CNTN5: variants seen among roughly 807,000 people sequenced by gnomAD.
CNTN5 encodes contactin-5.
In CNTN5, 77 loss-of-function variants were observed where a neutral mutation model predicts 129.1. That is an observed-to-expected ratio of 0.60 (90% CI 0.50 to 0.72). The LOEUF (loss-of-function observed/expected upper bound fraction) is 0.72. Among genes scored for constraint, CNTN5 ranks in the 30% least tolerant of loss-of-function variants. CNTN5 has a pLI of 0.00. For missense variants in CNTN5, 1,478 were observed against 1,328.8 expected (o/e 1.11, Z -1.75); for synonymous variants, 509 against 465.6 (o/e 1.09, Z -1.20).
At chr11:100,022,606 A>G (rs1941219874) in intron 9 of CNTN5, among the ~76,000 whole-genome samples, 4 of 152,178 alleles carry the variant, frequency 2.6e-5, no homozygotes, top group Admixed American at 2.6e-4. Flanking sequence ...TTGTCCATGT[A>G]GTTACCATTT....
chr11:100,343,215 C>G (rs1037382053), intron 23 of CNTN5, among the ~76,000 whole-genome samples: 9 of 152,132 alleles, frequency 5.9e-5, no homozygotes, highest in African/African-American at 2.2e-4. Context: ...CTAGCATAGT[C>G]CATTTTAGTT....
intron 2 of CNTN5, among the ~76,000 whole-genome samples, chr11:99,533,745 G>A (rs1947799549): frequency 1.3e-5 from 2 of 152,200 alleles, no homozygotes; most frequent in Admixed American, 1.3e-4. Flanking sequence ...GGTAGACATT[G>A]CCAGCCAGCA....
intron 8 of CNTN5, among the ~76,000 whole-genome samples, chr11:99,987,073 A>G (rs554141401): frequency 6.6e-6 from 1 of 152,236 alleles, no homozygotes; most frequent in South Asian, 2.1e-4. Flanking sequence ...TAAGTATCCC[A>G]CAAAACAAAA....
chr11:100,311,427 A>G (rs541368315), intron 21 of CNTN5, among the ~76,000 whole-genome samples: 3 of 150,888 alleles, frequency 2.0e-5, no homozygotes, highest in African/African-American at 7.2e-5. Context: ...ATTTCTAAAA[A>G]GAGTTCTCAA....
rs1247551945 is a variant in CNTN5 at position 99,584,114 on chromosome 11, C to G, written c.55+27845C>G. 4.6e-5 allele frequency among the ~76,000 whole-genome samples: 7 copies of G among 152,112 alleles called. No individual in the cohort carries two copies. In the South Asian group the frequency reaches 6.2e-4, roughly 14 times the overall value. On this transcript the variant is annotated intron_variant, in intron 3 of 24. Coordinates refer to ENST00000524871, the MANE Select transcript of CNTN5 (RefSeq NM_014361.4). ...GGATGTGATTTCTCTACCAAATGTT[C>G]TTTATGCTGGGTTCTTCAAACTAAT...
intron 7 of CNTN5, among the ~76,000 whole-genome samples, chr11:99,921,458 A>G (rs1400986492): frequency 6.6e-6 from 1 of 152,148 alleles, no homozygotes; most frequent in African/African-American, 2.4e-5. Context: ...TTCTTTAAAT[A>G]TCACCTTAGT....
intron 24 of CNTN5, among the ~76,000 whole-genome samples, chr11:100,354,779 C>T (rs1274123948): frequency 6.6e-6 from 1 of 151,630 alleles, no homozygotes; most frequent in Non-Finnish European, 1.5e-5. Flanking sequence ...CAACATGATA[C>T]TGTACTGAAT....
chr11:99,788,433 T>C (rs1036898940), intron 3 of CNTN5, among the ~76,000 whole-genome samples: 1 of 151,996 alleles, frequency 6.6e-6, no homozygotes, highest in Non-Finnish European at 1.5e-5. Context: ...AATTTTTGTA[T>C]ACCTATAGAA....
intron 3 of CNTN5, among the ~76,000 whole-genome samples, chr11:99,728,323 T>C (rs935032012): frequency 6.6e-6 from 1 of 152,156 alleles, no homozygotes; most frequent in African/African-American, 2.4e-5. Flanking sequence ...GCCTTGATAT[T>C]AGAACTCAAA....
chr11:99,146,809 C>T (rs534396948), intron 1 of CNTN5, among the ~76,000 whole-genome samples: 89 of 152,070 alleles, frequency 5.9e-4, no homozygotes, highest in African/African-American at 2.1e-3. Context: ...GCAGCTTTGA[C>T]CTCCTGGACT....
At chr11:100,010,122 T>C (rs1940436008) in intron 9 of CNTN5, among the ~76,000 whole-genome samples, 1 of 152,152 alleles carries the variant, frequency 6.6e-6, no homozygotes, top group Admixed American at 6.6e-5. Context: ...AGGAATCCCT[T>C]AGGACCCTAA....
intron 24 of CNTN5, among the ~76,000 whole-genome samples, chr11:100,354,032 G>C (rs1054008439): frequency 6.6e-6 from 1 of 151,472 alleles, no homozygotes; most frequent in African/African-American, 2.4e-5. Flanking sequence ...ATTGTTTTAA[G>C]AGAGATAATA....
intron 3 of CNTN5, among the ~76,000 whole-genome samples, chr11:99,637,137 A>G (rs1460381564): frequency 1.3e-5 from 2 of 151,158 alleles, no homozygotes; most frequent in Non-Finnish European, 2.9e-5. Context: ...TTTAATGATA[A>G]TAATCATTAA....
At chr11:99,367,678 G>C (rs1480840834) in intron 2 of CNTN5, among the ~76,000 whole-genome samples, 2 of 152,126 alleles carry the variant, frequency 1.3e-5, no homozygotes, top group African/African-American at 2.4e-5. Flanking sequence ...ACATTATCCA[G>C]CTAGCTATAG....
Position 99,087,844 on chromosome 11 carries a change from C to T in CNTN5, c.-210+66574C>T, listed in dbSNP as rs1234140470. ...GAGAAAGTAAATAAATTTTATTTTC[C>T]CTAAGACACAGTCTTCTTCCTGCAG... On this transcript the variant is annotated intron_variant, in intron 1 of 24. Transcript: ENST00000524871. 2.0e-5 allele frequency among the ~76,000 whole-genome samples: 3 copies of T among 152,084 alleles called. No individual in the cohort carries two copies. In the East Asian group the frequency reaches 5.8e-4, roughly 29 times the overall value.
intron 16 of CNTN5, among the ~76,000 whole-genome samples, chr11:100,252,258 GTTGT>G (rs1311340814): frequency 2.0e-5 from 3 of 151,974 alleles, no homozygotes; most frequent in Non-Finnish European, 4.4e-5. Flanking sequence ...TTTTAATAGC[GTTGT>G]TTGTCTATTT....
chr11:100,027,669 T>C (rs1941496543), intron 9 of CNTN5, among the ~76,000 whole-genome samples: 1 of 152,208 alleles, frequency 6.6e-6, no homozygotes, highest in Admixed American at 6.5e-5. Context: ...TCTCGTTTAC[T>C]GTGAATTCTA....
At chr11:99,278,565 G>A (rs1863554005) in intron 1 of CNTN5, among the ~76,000 whole-genome samples, 1 of 151,640 alleles carries the variant, frequency 6.6e-6, no homozygotes, top group Non-Finnish European at 1.5e-5. Flanking sequence ...ATGATGATAA[G>A]GAGCTAAAAT....
rs765273571 is a variant in CNTN5, at chr11:99,949,446, C to T, written c.674-7360C>T. On this transcript the variant is annotated intron_variant, in intron 7 of 24. Transcript: ENST00000524871. ...GGCAAGATTCTGGGGCACAAATAGA[C>T]TGTTGTTGGTTAAGGCAGGGATTTG... Among the ~76,000 whole-genome samples the T allele has an allele frequency of 6.1e-4, 93 of 152,142 alleles. 1 individual carries two copies. The highest frequency in any genetic ancestry group is 1.1e-3 in the Non-Finnish European group (77 of 68,014).
Sources: allele counts gnomAD v4.1 joint callset (sites outside exome capture counted in the v4.1 genomes callset), GRCh38; gene constraint gnomAD v4.1.1; transcripts MANE v1.5; gene names NCBI Gene and HGNC (gene_info 2026-07-23, HGNC 2026-07-21).